Variants in USP9X observed in about 807,000 individuals in gnomAD.
The protein encoded by USP9X is ubiquitin carboxyl-terminal hydrolase 9X.
In USP9X, 7 loss-of-function variants were observed where a neutral mutation model predicts 190.3. The ratio of observed to expected loss-of-function variants is 0.04; its 90% CI spans 0.02 to 0.07. The LOEUF is 0.07. Ranked by LOEUF, USP9X falls within the 10% of genes least tolerant of loss-of-function variation. The pLI, the probability that USP9X is intolerant of heterozygous loss-of-function variation, is 1.00. For missense variants in USP9X, 1,010 were observed against 1,916.9 expected (o/e 0.53, Z 8.83); for synonymous variants, 645 against 659.5 (o/e 0.98, Z 0.34).
At position 41,214,561 on chromosome X, in the gene USP9X, T is replaced by G; in HGVS notation, c.5190-7T>G. The G allele has an allele frequency of 8.7e-7, 1 of 1,154,198 alleles. No homozygotes were observed. Among genetic ancestry groups the G allele is most frequent in the Non-Finnish European group, 1.1e-6 (1 of 871,986 alleles). On this transcript the variant is annotated splice_region_variant and splice_polypyrimidine_tract_variant and intron_variant, in intron 33 of 44. Coordinates refer to ENST00000378308, the MANE Select transcript of USP9X (RefSeq NM_001039591.3). Reference sequence around the variant, plus strand: ...AGGGATAAATCCTTTTTTTAAATCGTTTTTAGGTACGAATGTGAAGAATCT... The same window carrying G: ...AGGGATAAATCCTTTTTTTAAATCGGTTTTAGGTACGAATGTGAAGAATCT...
chrX:41,156,804 C>A (rs367837360), intron 14 of USP9X, among the ~76,000 whole-genome samples: 1 of 111,647 alleles, frequency 9.0e-6, no homozygotes, highest in East Asian at 2.8e-4. Context: ...TGGACCAGAC[C>A]GTGCTGTGCC....
In USP9X at chrX:41,219,218, G is replaced by A. The variant is rs1437371439; in HGVS notation, c.6552G>A (p.Met2184Ile). ...HLQQYFNLFV[M>I]YANLGVAEKT... The stretch of plus-strand genomic sequence containing the variant: ...AGCAGTATTTCAACCTGTTTGTAAT[G>A]TATGCCAATTTAGGTAAGAATTTAA... Residue 2184 changes from methionine (M) to isoleucine (I), a missense_variant, in exon 38 of 45, where the codon ATG (methionine) becomes ATA (isoleucine). This residue lies in a region of USP9X where 121 missense variants were observed against 281.2 expected (regional missense o/e 0.43). Transcript: ENST00000378308. 1.7e-6 allele frequency: 2 copies of A among 1,206,253 alleles called. No homozygotes were observed. Among genetic ancestry groups the A allele is most frequent in the Non-Finnish European group, 2.2e-6 (2 of 893,602 alleles).
rs2063025492 is a variant in USP9X, at chrX:41,199,740, C to CT, written c.4603+993dup. On this transcript the variant is annotated intron_variant, in intron 30 of 44. Transcript: ENST00000378308. ...CACCGCACCTGGCCCAGACTTAAAA[C>CT]TTTAAGTTGCATGTATTGGAAAACC... Among the ~76,000 whole-genome samples the CT allele has an allele frequency of 2.7e-5, 3 of 111,931 alleles. No individual in the cohort carries two copies. In the South Asian group the frequency reaches 1.1e-3, roughly 41 times the overall value.
At chrX:41,214,483 AAAAG>A (rs2063194471) in intron 33 of USP9X, 81 bp from the exon 34 acceptor site, 1 of 942,544 alleles carries the variant, frequency 1.1e-6, no homozygotes, top group African/African-American at 2.1e-5. Flanking sequence ...ATTTAAAAAA[AAAAG>A]GCAAATGTAG....
chrX:41,127,231 T>A (rs1601953814), intron 2 of USP9X, among the ~76,000 whole-genome samples: 1 of 111,981 alleles, frequency 8.9e-6, no homozygotes, highest in African/African-American at 3.2e-5. Context: ...AAACGTCCCC[T>A]TAATTTTGTT....
At chrX:41,174,372 C>G (rs749121523) in intron 21 of USP9X, among the ~76,000 whole-genome samples, 13 of 111,346 alleles carry the variant, frequency 1.2e-4, no homozygotes, top group Non-Finnish European at 1.9e-4. Flanking sequence ...CCATGGATAC[C>G]GGGGAATAAC....
At chrX:41,217,153 C>G in intron 35 of USP9X, 67 bp from the exon 36 acceptor site, 1 of 1,130,239 alleles carries the variant, frequency 8.8e-7, no homozygotes, top group Non-Finnish European at 1.2e-6. Flanking sequence ...TTAATGGAAA[C>G]ACAGACTTGT....
At chrX:41,180,734 T>C (rs1437014591) in intron 21 of USP9X, among the ~76,000 whole-genome samples, 1 of 112,150 alleles carries the variant, frequency 8.9e-6, no homozygotes, top group African/African-American at 3.2e-5. Flanking sequence ...GGACTGGCAC[T>C]TAGTATTCAT....
intron 32 of USP9X, among the ~76,000 whole-genome samples, chrX:41,205,869 T>TTTTTTC (rs1296393955): frequency 3.1e-5 from 3 of 95,549 alleles, no homozygotes; most frequent in Non-Finnish European, 6.9e-5. Context: ...TTTTTTTTCT[T>TTTTTTC]TTTTTCTTTT....
chrX:41,110,778 G>A (rs929508834), intron 1 of USP9X, among the ~76,000 whole-genome samples: 3 of 112,139 alleles, frequency 2.7e-5, no homozygotes, highest in African/African-American at 6.5e-5. Context: ...TAAGTTAAAG[G>A]CTGATTATGA....
chrX:41,093,408 G>T (rs976926939), intron 1 of USP9X, among the ~76,000 whole-genome samples: 1 of 112,212 alleles, frequency 8.9e-6, no homozygotes, highest in African/African-American at 3.2e-5. Flanking sequence ...TAAATGGCGC[G>T]ATCTCGGCTC....
At chrX:41,206,328 ATC>A (rs2063096072) in intron 32 of USP9X, among the ~76,000 whole-genome samples, 2 of 112,215 alleles carry the variant, frequency 1.8e-5, no homozygotes, top group Non-Finnish European at 3.8e-5. Flanking sequence ...AATATCAAAT[ATC>A]TCTGTCAGTG....
At chrX:41,092,193 A>G (rs1235028833) in intron 1 of USP9X, among the ~76,000 whole-genome samples, 2 of 111,743 alleles carry the variant, frequency 1.8e-5, no homozygotes, top group East Asian at 5.6e-4. Context: ...CCCATCTTCT[A>G]CAGAGCCTGT....
chrX:41,118,694 A>AAC (rs989636487), intron 1 of USP9X, among the ~76,000 whole-genome samples: 259 of 111,534 alleles, frequency 2.3e-3, no homozygotes, highest in African/African-American at 7.8e-3. Flanking sequence ...CGGGAAAAAA[A>AAC]ACAGACTCCC....
intron 21 of USP9X, among the ~76,000 whole-genome samples, chrX:41,183,064 G>C (rs1309715979): frequency 9.2e-6 from 1 of 108,814 alleles, no homozygotes; most frequent in Non-Finnish European, 1.9e-5. Flanking sequence ...TCAGCGTCCC[G>C]AATAGCTGGG....
At chrX:41,187,970 C>G (rs770387964) in intron 24 of USP9X, 22 bp from the exon 25 acceptor site, 59 of 1,188,475 alleles carry the variant, frequency 5.0e-5, no homozygotes, top group Non-Finnish European at 5.8e-5. Context: ...ATCAACAGTT[C>G]TATTTACTCG....
At chrX:41,212,985 C>T (rs772071005) in intron 33 of USP9X, among the ~76,000 whole-genome samples, 22 of 111,897 alleles carry the variant, frequency 2.0e-4, no homozygotes, top group Non-Finnish European at 3.4e-4. Context: ...AAACAGCCAA[C>T]TTTGGGGTCA....
intron 21 of USP9X, among the ~76,000 whole-genome samples, chrX:41,179,396 A>G (rs898774849): frequency 1.8e-5 from 2 of 111,810 alleles, no homozygotes; most frequent in African/African-American, 6.5e-5. Flanking sequence ...TGAACATAGA[A>G]TATTTTTCCA....
intron 3 of USP9X, among the ~76,000 whole-genome samples, chrX:41,129,897 T>C (rs191603751): frequency 9.0e-6 from 1 of 111,515 alleles, no homozygotes; most frequent in African/African-American, 3.3e-5. Context: ...TAAAAATAAG[T>C]CAACACTATT....
Sources: gnomAD v4.1 joint callset for allele counts (sites outside exome capture counted in the v4.1 genomes callset) on GRCh38, gnomAD v4.1.1 for gene constraint, gnomAD v4.1.1 regional missense constraint, MANE v1.5 for transcripts, NCBI Gene and HGNC (gene_info 2026-07-23, HGNC 2026-07-21) for gene names.